IGFL2: variants seen among roughly 807,000 people sequenced by gnomAD.
IGFL2 encodes the protein IGF like family member 2.
Under a neutral mutation model 13.9 loss-of-function variants are expected in IGFL2, and 7 were observed. The ratio of observed to expected loss-of-function variants is 0.51; its 90% CI spans 0.29 to 0.95. The LOEUF (loss-of-function observed/expected upper bound fraction) is 0.95. Ranked by LOEUF, IGFL2 falls within the 40% of genes least tolerant of loss-of-function variation. The probability of loss-of-function intolerance (pLI) is 0.08; values close to 1 mark genes in which losing one functional copy is unlikely to be tolerated. For missense variants in IGFL2, 138 were observed against 147.8 expected (o/e 0.93, Z 0.34); for synonymous variants, 55 against 55.8 (o/e 0.99, Z 0.07).
At chr19:46,120,940 T>C in the IGFL2 span, among the ~76,000 whole-genome samples, 16 of 150,894 alleles carry the variant, frequency 1.1e-4, 1 homozygote, top group Non-Finnish European at 1.9e-4. Context: ...AATTTGTCAA[T>C]TTAAATTAAA....
chr19:46,084,751 T>C, the IGFL2 span, among the ~76,000 whole-genome samples: 1 of 152,192 alleles, frequency 6.6e-6, no homozygotes, highest in Non-Finnish European at 1.5e-5. Context: ...TCATGAGGGA[T>C]ATGTCCCCAT....
chr19:46,109,880 T>A, the IGFL2 span, among the ~76,000 whole-genome samples: 2 of 152,182 alleles, frequency 1.3e-5, no homozygotes, highest in Non-Finnish European at 2.9e-5. Flanking sequence ...TATTTTCACT[T>A]CTTTTGTGGA....
At chr19:46,152,863 CT>C (rs1973582791) in intron 1 of IGFL2, among the ~76,000 whole-genome samples, 1 of 152,128 alleles carries the variant, frequency 6.6e-6, no homozygotes, top group Non-Finnish European at 1.5e-5. Context: ...CTAGTTTGTT[CT>C]TTGTATTTTA....
At chr19:46,094,850 G>A in the IGFL2 span, among the ~76,000 whole-genome samples, 1 of 152,182 alleles carries the variant, frequency 6.6e-6, no homozygotes, top group Non-Finnish European at 1.5e-5. Context: ...CCCTGCAAAG[G>A]ACATGATCTC....
upstream of IGFL2, among the ~76,000 whole-genome samples, chr19:46,141,369 G>A (rs944712701): frequency 1.9e-4 from 29 of 152,094 alleles, no homozygotes; most frequent in South Asian, 2.1e-4. Flanking sequence ...TGATAGTCCC[G>A]GGTGTCTGGG....
chr19:46,172,171 A>G, the IGFL2 span, among the ~76,000 whole-genome samples: 3 of 152,308 alleles, frequency 2.0e-5, no homozygotes, highest in Non-Finnish European at 2.9e-5. Flanking sequence ...ATATAGTCTA[A>G]GGTAGAAGAA....
chr19:46,080,799 C>T, the IGFL2 span, among the ~76,000 whole-genome samples: 4 of 152,168 alleles, frequency 2.6e-5, no homozygotes, highest in East Asian at 7.7e-4. Flanking sequence ...TTTTGCTGAG[C>T]CAGAAAGGGA....
upstream of IGFL2, among the ~76,000 whole-genome samples, chr19:46,141,110 C>T: frequency 6.6e-6 from 1 of 152,168 alleles, no homozygotes; most frequent in Non-Finnish European, 1.5e-5. Context: ...GGACAGTAAA[C>T]AAGTATTCTT....
the IGFL2 span, among the ~76,000 whole-genome samples, chr19:46,193,562 T>A: frequency 2.0e-5 from 3 of 151,962 alleles, no homozygotes; most frequent in Admixed American, 6.6e-5. Context: ...AAGATGAAAA[T>A]TCTCCACTTA....
At chr19:46,113,752 GA>G in the IGFL2 span, 2 of 165,354 alleles carry the variant, frequency 1.2e-5, no homozygotes, top group African/African-American at 4.8e-5. Context: ...TTAGAGCCCT[GA>G]ACTACCCTAA....
At chr19:46,102,337 C>T in the IGFL2 span, among the ~76,000 whole-genome samples, 703 of 152,246 alleles carry the variant, frequency 4.6e-3, 8 homozygotes, top group African/African-American at 0.016. Context: ...AGTTCTTATA[C>T]GTTTGGGATA....
chr19:46,137,102 C>T, the IGFL2 span: 4 of 1,607,630 alleles, frequency 2.5e-6, no homozygotes, highest in African/African-American at 4.0e-5. Flanking sequence ...CAATGGCCTC[C>T]CTAGGGTTGG....
the IGFL2 span, among the ~76,000 whole-genome samples, chr19:46,107,397 C>T: frequency 3.3e-5 from 5 of 152,106 alleles, no homozygotes; most frequent in East Asian, 1.9e-4. Flanking sequence ...GGCTGCTAGG[C>T]GAATTGGACA....
At chr19:46,123,932 T>TACCCAGAACCCTCAACTTCAC in the IGFL2 span, 2 of 1,611,380 alleles carry the variant, frequency 1.2e-6, no homozygotes, top group Non-Finnish European at 1.7e-6. Flanking sequence ...TGAGACTTCA[T>TACCCAGAACCCTCAACTTCAC]ACCCAGAACC....
the IGFL2 span, among the ~76,000 whole-genome samples, chr19:46,199,788 G>A: frequency 2.6e-5 from 4 of 152,242 alleles, no homozygotes; most frequent in South Asian, 6.2e-4. Context: ...GATGAAGCCC[G>A]TTATTGGGAG....
chr19:46,146,057 T>A (rs1944234535), upstream of IGFL2, among the ~76,000 whole-genome samples: 1 of 152,192 alleles, frequency 6.6e-6, no homozygotes, highest in African/African-American at 2.4e-5. Context: ...AAATGTTTTC[T>A]CTGATGCCTT....
At chr19:46,173,723 A>G in the IGFL2 span, 5 of 152,194 alleles carry the variant, frequency 3.3e-5, no homozygotes, top group African/African-American at 1.2e-4. Flanking sequence ...CACCTCCAAC[A>G]TTGGGGATCA....
the IGFL2 span, among the ~76,000 whole-genome samples, chr19:46,094,523 T>A: frequency 1.3e-5 from 2 of 152,118 alleles, no homozygotes; most frequent in African/African-American, 4.8e-5. Context: ...TGTGTGTTTT[T>A]AAATTTTATT....
chr19:46,200,473 C>CCTTTTCTTTTCTTCT, the IGFL2 span, among the ~76,000 whole-genome samples: 20 of 134,174 alleles, frequency 1.5e-4, no homozygotes, highest in African/African-American at 5.0e-4. Context: ...CACACCTGGC[C>CCTTTTCTTTTCTTCT]CTTTTCTTTT....
Sources: allele counts gnomAD v4.1 joint callset (sites outside exome capture counted in the v4.1 genomes callset), GRCh38; gene constraint gnomAD v4.1.1; transcripts MANE v1.5; gene names NCBI Gene and HGNC (gene_info 2026-07-23, HGNC 2026-07-21).